KHDRBS2: variants seen among roughly 807,000 people sequenced by gnomAD.
KHDRBS2 encodes the protein KH domain-containing, RNA-binding, signal transduction-associated protein 2.
Under a neutral mutation model 44.3 loss-of-function variants are expected in KHDRBS2, and 26 were observed. The ratio of observed to expected loss-of-function variants is 0.59; its 90% CI spans 0.43 to 0.81. The LOEUF (loss-of-function observed/expected upper bound fraction) is 0.81, where lower values mean the gene tolerates loss of function less well. KHDRBS2 is among the 40% of genes least tolerant of loss of function. The pLI is 0.00. For synonymous variants in KHDRBS2, 194 were observed against 151.1 expected (o/e 1.28, Z -2.08); for missense variants, 476 against 433.1 (o/e 1.10, Z -0.88).
the KHDRBS2 span, among the ~76,000 whole-genome samples, chr6:61,646,803 T>C: frequency 2.0e-5 from 3 of 152,086 alleles, no homozygotes; most frequent in East Asian, 5.8e-4. Flanking sequence ...AAAATGAATA[T>C]ATATGCTACA....
the KHDRBS2 span, among the ~76,000 whole-genome samples, chr6:61,581,610 T>A: frequency 6.8e-6 from 1 of 147,836 alleles, no homozygotes; most frequent in Non-Finnish European, 1.5e-5. Flanking sequence ...TACAATATAA[T>A]ATATAATATA....
At chr6:62,056,155 T>C (rs1009881173) in intron 2 of KHDRBS2, among the ~76,000 whole-genome samples, 1 of 151,964 alleles carries the variant, frequency 6.6e-6, no homozygotes, top group Admixed American at 6.6e-5. Flanking sequence ...ATAGAGTGGC[T>C]TTTGTTTGCC....
At chr6:61,805,379 C>A (rs2127590911) in intron 6 of KHDRBS2, among the ~76,000 whole-genome samples, 1 of 152,288 alleles carries the variant, frequency 6.6e-6, no homozygotes, top group East Asian at 1.9e-4. Context: ...CAATAAGTCA[C>A]CAGGAAGTTC....
chr6:61,691,498 A>AAAGC (rs1349023235), intron 8 of KHDRBS2, among the ~76,000 whole-genome samples: 1 of 152,116 alleles, frequency 6.6e-6, no homozygotes, highest in East Asian at 1.9e-4. Flanking sequence ...TATGAAAAGT[A>AAAGC]AAGCACAGTC....
chr6:61,811,462 T>C lies in KHDRBS2; in HGVS notation c.811-78698A>G, dbSNP rs1582961545. 2.6e-5 allele frequency among the ~76,000 whole-genome samples: 4 copies of C among 152,182 alleles called. No homozygotes were observed. The South Asian group carries it at 8.3e-4, about 31-fold the overall frequency. ...AATGATTTATTTTCCTTTGGGTATATATCCAGTAATAGAATTGCTGGGCCC... is the reference window on the plus strand; with the variant it reads ...AATGATTTATTTTCCTTTGGGTATACATCCAGTAATAGAATTGCTGGGCCC... On this transcript the variant is annotated intron_variant, in intron 6 of 8. Transcript: ENST00000281156.
the KHDRBS2 span, among the ~76,000 whole-genome samples, chr6:61,635,907 G>A: frequency 2.0e-5 from 3 of 151,984 alleles, no homozygotes; most frequent in Admixed American, 6.6e-5. Context: ...GAGAATCTGA[G>A]TACATCTCCC....
chr6:62,056,055 C>T (rs1490580452), intron 2 of KHDRBS2, among the ~76,000 whole-genome samples: 1 of 151,976 alleles, frequency 6.6e-6, no homozygotes, highest in Non-Finnish European at 1.5e-5. Flanking sequence ...CCCATCTTTA[C>T]GGCCTGTTGG....
rs371595813 is a variant in KHDRBS2 at position 61,945,150 on chromosome 6, T to TATATATATATATATACACAC, written c.483+32915_483+32916insGTGTGTATATATATATATAT. ...ATATATATATATATATATATATATA[T>TATATATATATATATACACAC]ACACACAGACTTGTCTTGATAAAGT... On this transcript the variant is annotated intron_variant, in intron 4 of 8. Coordinates refer to ENST00000281156, the MANE Select transcript of KHDRBS2 (RefSeq NM_152688.4). Among the ~76,000 whole-genome samples, 22 of 86,994 alleles carry TATATATATATATATACACAC rather than the reference T, an allele frequency of 2.5e-4. 1 individual carries two copies. Among genetic ancestry groups the TATATATATATATATACACAC allele is most frequent in the Non-Finnish European group, 4.1e-4 (18 of 43,548 alleles). 57.1% of individuals were successfully genotyped at this position (86,994 alleles called of 152,430 possible). A position where few individuals can be genotyped will look rare whatever the true frequency, so the allele number is the denominator to read the frequency against.
At chr6:61,780,609 T>C (rs1247806861) in intron 6 of KHDRBS2, among the ~76,000 whole-genome samples, 1 of 152,248 alleles carries the variant, frequency 6.6e-6, no homozygotes, top group Non-Finnish European at 1.5e-5. Flanking sequence ...ACTAACATTT[T>C]ACTTACTGAA....
intron 6 of KHDRBS2, among the ~76,000 whole-genome samples, chr6:61,747,391 C>T (rs914169926): frequency 3.9e-5 from 6 of 152,182 alleles, no homozygotes; most frequent in African/African-American, 1.4e-4. Context: ...AGCACGATGA[C>T]ATGATGCACC....
chr6:61,788,962 T>G (rs1390351733), intron 6 of KHDRBS2, among the ~76,000 whole-genome samples: 2 of 151,378 alleles, frequency 1.3e-5, no homozygotes, highest in Admixed American at 1.3e-4. Context: ...AATAGTAAGA[T>G]TTCCAAACTG....
At chr6:61,653,510 T>C in the KHDRBS2 span, among the ~76,000 whole-genome samples, 1 of 152,012 alleles carries the variant, frequency 6.6e-6, no homozygotes, top group Non-Finnish European at 1.5e-5. Flanking sequence ...CAAATACTAT[T>C]TGAATGATTT....
At chr6:61,696,622 G>A (rs1767943850) in intron 8 of KHDRBS2, among the ~76,000 whole-genome samples, 1 of 152,070 alleles carries the variant, frequency 6.6e-6, no homozygotes, top group Non-Finnish European at 1.5e-5. Context: ...ATATATCATA[G>A]AAATTCAATA....
intron 3 of KHDRBS2, among the ~76,000 whole-genome samples, chr6:62,043,944 TA>T (rs1423582252): frequency 1.3e-5 from 2 of 152,002 alleles, no homozygotes; most frequent in Non-Finnish European, 2.9e-5. Flanking sequence ...TAATTTTTTT[TA>T]AAAAAATGTT....
chr6:62,099,921 A>C (rs1437403185), intron 2 of KHDRBS2, among the ~76,000 whole-genome samples: 1 of 152,206 alleles, frequency 6.6e-6, no homozygotes, highest in East Asian at 1.9e-4. Context: ...AATAATTTCA[A>C]TTTTCAAGTC....
chr6:61,892,727 C>T (rs965331072), intron 6 of KHDRBS2, among the ~76,000 whole-genome samples: 1 of 152,172 alleles, frequency 6.6e-6, no homozygotes, highest in African/African-American at 2.4e-5. Context: ...GGATCCCTTC[C>T]TTACACCTTA....
intron 6 of KHDRBS2, among the ~76,000 whole-genome samples, chr6:61,759,350 T>C (rs562435218): frequency 6.6e-6 from 1 of 152,324 alleles, no homozygotes; most frequent in African/African-American, 2.4e-5. Flanking sequence ...CTTTATGTGC[T>C]TCTTAAAAAC....
chr6:62,223,989 T>A (rs1831334145), intron 1 of KHDRBS2, among the ~76,000 whole-genome samples: 1 of 152,194 alleles, frequency 6.6e-6, no homozygotes, highest in South Asian at 2.1e-4. Context: ...GTTCCAAAGC[T>A]GCTTCCACAT....
intron 3 of KHDRBS2, among the ~76,000 whole-genome samples, chr6:62,046,358 G>T (rs544769264): frequency 6.6e-6 from 1 of 152,018 alleles, no homozygotes; most frequent in East Asian, 1.9e-4. Context: ...TGTAGATTCT[G>T]CATGTGCAAA....
Sources: gnomAD v4.1 joint callset for allele counts (sites outside exome capture counted in the v4.1 genomes callset) on GRCh38, gnomAD v4.1.1 for gene constraint, MANE v1.5 for transcripts, NCBI Gene and HGNC (gene_info 2026-07-23, HGNC 2026-07-21) for gene names.